The following SLC6A6 variants were observed in gnomAD, a reference collection of about 807,000 sequenced individuals.
SLC6A6 encodes solute carrier family 6 member 6.
SLC6A6 carries 16 observed loss-of-function variants against 68.8 expected under a neutral mutation model. The observed-to-expected ratio is 0.23, with a 90% confidence interval of 0.16 to 0.35. The LOEUF (loss-of-function observed/expected upper bound fraction) is 0.35. Among genes scored for constraint, SLC6A6 ranks in the 10% least tolerant of loss-of-function variants. The pLI is 1.00. For missense variants in SLC6A6, 474 were observed against 802.8 expected (o/e 0.59, Z 4.95); for synonymous variants, 312 against 315.4 (o/e 0.99, Z 0.12).
chr3:14,467,843 C>G lies in SLC6A6; in HGVS notation c.868-10C>G. On this transcript the variant is annotated splice_polypyrimidine_tract_variant and intron_variant, in intron 7 of 14. Transcript: ENST00000622186. ...CCTCTCTTTCCTTGCCACCTCCCTC[C>G]CCCTCATAGGTGTGGATTGACGCTG... 1.9e-6 allele frequency: 3 copies of G among 1,573,886 alleles called. No individual in the cohort carries two copies. The highest frequency in any genetic ancestry group is 2.6e-6 in the Non-Finnish European group (3 of 1,149,590).
chr3:14,467,917 C>T lies in SLC6A6; in HGVS notation c.932C>T (p.Ser311Leu), dbSNP rs1700658024. 2 of 1,613,864 alleles carry T rather than the reference C, an allele frequency of 1.2e-6. No homozygotes were observed. The highest frequency in any genetic ancestry group is 1.7e-6 in the Non-Finnish European group (2 of 1,179,816). The change falls in exon 8 of 15, where the codon TCG (serine) becomes TTG (leucine). Residue 311 changes from serine (S) to leucine (L), a missense_variant. By Grantham distance (145) the Ser-to-Leu change is moderately radical (BLOSUM62 -2). Around this residue, in one of 2 missense-constraint regions of SLC6A6, gnomAD observed 280 missense variants for 533.1 expected, o/e 0.53. Transcript: ENST00000622186. Reference protein sequence around the residue: ...SYAICLGAMTSLGSYNKYKYN... With the variant: ...SYAICLGAMTLLGSYNKYKYN... ...GCCATCTGCCTGGGGGCTATGACCT[C>T]GCTGGGGAGCTACAACAAGTACAAG...
chr3:14,457,856 G>T, intron 5 of SLC6A6, 94 bp from the exon 6 acceptor site: 1 of 1,237,700 alleles, frequency 8.1e-7, no homozygotes, highest in Non-Finnish European at 1.2e-6. Context: ...CCTCAGGTGG[G>T]ATTTGACCCC....
chr3:14,488,447 C>T lies in SLC6A6; in HGVS notation c.*3440C>T, dbSNP rs1701235743. 6.6e-6 allele frequency: 1 copy of T among 152,366 alleles called. No homozygotes were observed. The highest frequency in any genetic ancestry group is 6.5e-5 in the Admixed American group (1 of 15,290). The allele number at this position is 152,366 out of a possible 1,614,324, so 9.4% of individuals were successfully genotyped here. Reference sequence around the variant, plus strand: ...CAGCCAGCATCTCCCAGCACAGCCCCTCTCCCTGGGGAAATGCTCTGGGTA... The same window carrying T: ...CAGCCAGCATCTCCCAGCACAGCCCTTCTCCCTGGGGAAATGCTCTGGGTA... On this transcript the variant is annotated 3_prime_UTR_variant, in exon 15 of 15. Coordinates refer to ENST00000622186, the MANE Select transcript of SLC6A6 (RefSeq NM_003043.6).
chr3:14,437,994 A>ATTTTTTTTTTTTTTTTT, intron 2 of SLC6A6, among the ~76,000 whole-genome samples: 1 of 118,324 alleles, frequency 8.5e-6, no homozygotes, highest in Non-Finnish European at 1.7e-5. Context: ...CATCTGGCTA[A>ATTTTTTTTTTTTTTTTT]TTTTTTTTTT....
intron 6 of SLC6A6, among the ~76,000 whole-genome samples, chr3:14,460,918 G>C (rs913090634): frequency 6.6e-6 from 1 of 152,224 alleles, no homozygotes; most frequent in Non-Finnish European, 1.5e-5. Flanking sequence ...GACCAGGTTT[G>C]TGGCTGACGT....
At position 14,448,671 on chromosome 3, in the gene SLC6A6, TTC is replaced by T. The variant is rs59030061; in HGVS notation, c.599+857_599+858del. ...AGATTCAAGAGGTGGAGGAAATAAA[TTC>T]TGTCTCTTCATGAGAGGAGTGAAGA... On this transcript the variant is annotated intron_variant, in intron 5 of 14. Transcript: ENST00000622186. 9.9e-3 allele frequency among the ~76,000 whole-genome samples: 1,506 copies of T among 152,292 alleles called. 25 individuals carry two copies. The highest frequency in any genetic ancestry group is 0.034 in the African/African-American group (1,428 of 41,550).
intron 5 of SLC6A6, among the ~76,000 whole-genome samples, chr3:14,452,776 G>T (rs1700282702): frequency 6.6e-6 from 1 of 152,172 alleles, no homozygotes; most frequent in Non-Finnish European, 1.5e-5. Context: ...ATTGAGCGCC[G>T]AGTTGCTCTG....
Position 14,487,186 on chromosome 3 carries a change from G to A in SLC6A6, c.*2179G>A, listed in dbSNP as rs1701191169. The A allele has an allele frequency of 6.5e-6, 1 of 152,678 alleles. No individual in the cohort carries two copies. Among genetic ancestry groups the A allele is most frequent in the South Asian group, 2.1e-4 (1 of 4,836 alleles). The allele number at this position is 152,678 out of a possible 1,614,324, so 9.5% of individuals were successfully genotyped here. On this transcript the variant is annotated 3_prime_UTR_variant, in exon 15 of 15. Coordinates refer to ENST00000622186, the MANE Select transcript of SLC6A6 (RefSeq NM_003043.6). ...TGGGTGAAAGGCCACAGTATTTTGG[G>A]TTGGTAGGCAAATTGCAACATTCTG...
chr3:14,448,993 G>C (rs1700194529), intron 5 of SLC6A6, among the ~76,000 whole-genome samples: 1 of 152,362 alleles, frequency 6.6e-6, no homozygotes, highest in South Asian at 2.1e-4. Flanking sequence ...GGGTGGTTCT[G>C]GTTCTGAATC....
intron 2 of SLC6A6, among the ~76,000 whole-genome samples, chr3:14,418,449 G>A (rs1373704895): frequency 6.6e-6 from 1 of 152,176 alleles, no homozygotes. Flanking sequence ...ACCCCATGGA[G>A]ACATATTCTT....
At chr3:14,460,730 C>T (rs569529828) in intron 6 of SLC6A6, among the ~76,000 whole-genome samples, 15 of 152,382 alleles carry the variant, frequency 9.8e-5, no homozygotes, top group Non-Finnish European at 2.1e-4. Context: ...TTAGCAACAA[C>T]CTCCTTCGTG....
chr3:14,412,224 GA>G (rs771169796), intron 1 of SLC6A6, among the ~76,000 whole-genome samples: 4 of 152,230 alleles, frequency 2.6e-5, no homozygotes, highest in Non-Finnish European at 5.9e-5. Flanking sequence ...CCCTGGCTCT[GA>G]AAGGAGGTGT....
chr3:14,425,568 C>G (rs987460658), intron 2 of SLC6A6, among the ~76,000 whole-genome samples: 25 of 152,142 alleles, frequency 1.6e-4, no homozygotes, highest in Non-Finnish European at 2.2e-4. Flanking sequence ...GTATCCTTGC[C>G]CCCAAGGAGT....
chr3:14,465,450 C>T (rs374161076), intron 6 of SLC6A6, among the ~76,000 whole-genome samples: 7 of 152,338 alleles, frequency 4.6e-5, no homozygotes, highest in South Asian at 2.1e-4. Context: ...CCCTGAAGGT[C>T]TCGTCCTTCC....
rs1479077616 is a variant in SLC6A6, at chr3:14,468,408, A to G, written c.1096+196A>G. Among the ~76,000 whole-genome samples, 1 of 734 alleles carries G rather than the reference A, an allele frequency of 1.4e-3. No individual in the cohort carries two copies. The highest frequency in any genetic ancestry group is 3.6e-3 in the Non-Finnish European group (1 of 278). 0.5% of individuals were successfully genotyped at this position (734 alleles called of 152,430 possible). A position where few individuals can be genotyped will look rare whatever the true frequency, so the allele number is the denominator to read the frequency against. On this transcript the variant is annotated intron_variant, in intron 9 of 14. Transcript: ENST00000622186. This position sits in a 1 kb window ranked among gnomAD's most constrained non-coding sequence, Gnocchi z 4.5. ...GCCAAATTTTAAACATTTGTATTGC[A>G]ATTTGGCCCTGATGGGTGGCAAAAG... is the stretch of plus-strand genomic sequence containing the variant.
chr3:14,479,078 C>T lies in SLC6A6; in HGVS notation c.1451-7C>T. The T allele has an allele frequency of 6.3e-7, 1 of 1,597,806 alleles. No homozygotes were observed. The highest frequency in any genetic ancestry group is 8.6e-7 in the Non-Finnish European group (1 of 1,165,132). On this transcript the variant is annotated splice_polypyrimidine_tract_variant and splice_region_variant and intron_variant, in intron 12 of 14. Transcript: ENST00000622186. ...TGTCAGAAAATGTCCCCCTCTGTCT[C>T]TTGCAGGAGGTGATAACCTTTATGA...
At chr3:14,447,175 C>T (rs1001827123) in intron 4 of SLC6A6, among the ~76,000 whole-genome samples, 1 of 152,156 alleles carries the variant, frequency 6.6e-6, no homozygotes, top group Non-Finnish European at 1.5e-5. Flanking sequence ...AATCATCCAA[C>T]TATCCATCTG....
chr3:14,470,468 C>G (rs1159128586), intron 9 of SLC6A6, among the ~76,000 whole-genome samples: 1 of 152,208 alleles, frequency 6.6e-6, no homozygotes, highest in Non-Finnish European at 1.5e-5. Context: ...TCCTGGACTT[C>G]TCTCTCTTGA....
chr3:14,483,920 G>A (rs760727460), intron 14 of SLC6A6, among the ~76,000 whole-genome samples: 3 of 152,096 alleles, frequency 2.0e-5, no homozygotes, highest in African/African-American at 2.4e-5. Flanking sequence ...CTGACCTTGA[G>A]CGATCCTCCT....
Sources: allele counts gnomAD v4.1 joint callset (sites outside exome capture counted in the v4.1 genomes callset), GRCh38; gene constraint gnomAD v4.1.1; regional missense constraint gnomAD v4.1.1; non-coding constraint Gnocchi (gnomAD v3.1); transcripts MANE v1.5; gene names NCBI Gene and HGNC (gene_info 2026-07-23, HGNC 2026-07-21).